Variants in GFRA3 observed in about 807,000 individuals in gnomAD.
The protein encoded by GFRA3 is GDNF family receptor alpha 3.
GFRA3 carries 24 observed loss-of-function variants against 40.0 expected under a neutral mutation model. The observed-to-expected ratio is 0.60, with a 90% confidence interval of 0.43 to 0.84. GFRA3 has a LOEUF of 0.84. Ranked by LOEUF, GFRA3 falls within the 40% of genes least tolerant of loss-of-function variation. GFRA3 has a pLI of 0.00. For missense variants in GFRA3, 405 were observed against 530.6 expected, an observed-to-expected ratio of 0.76 and a Z score of 2.33; for synonymous variants, 203 against 213.5, an observed-to-expected ratio of 0.95 and a Z score of 0.43.
At position 138,252,929 on chromosome 5, in the gene GFRA3, G is replaced by A. The variant is rs372828044; in HGVS notation, c.*39C>T. 22 of 1,094,672 alleles carry A rather than the reference G, an allele frequency of 2.0e-5. No individual in the cohort carries two copies. The highest frequency in any genetic ancestry group is 3.0e-5 in the Non-Finnish European group (21 of 708,564). The allele number at this position is 1,094,672 out of a possible 1,614,324, so 67.8% of individuals were successfully genotyped here. ...CCCCTTGTGGGCTGCAAGTCCACCT[G>A]GGTGTGGTGGAGGGGAAGAGGGCCC... On this transcript the variant is annotated 3_prime_UTR_variant, in exon 8 of 8. Transcript: ENST00000274721.
Position 138,252,398 on chromosome 5 carries a change from C to T in GFRA3, c.*570G>A, listed in dbSNP as rs1755561741. The T allele has an allele frequency of 6.5e-6, 1 of 152,822 alleles. No homozygotes were observed. The highest frequency in any genetic ancestry group is 1.5e-5 in the Non-Finnish European group (1 of 68,248). 9.5% of individuals were successfully genotyped at this position (152,822 alleles called of 1,614,324 possible). On this transcript the variant is annotated 3_prime_UTR_variant, in exon 8 of 8. Transcript: ENST00000274721. Reference sequence around the variant, plus strand: ...CAAAGTCTTAAGTCAAAGGTTTAATCATGATCCAAGAGCCCAGAGAGACTT... The same window carrying T: ...CAAAGTCTTAAGTCAAAGGTTTAATTATGATCCAAGAGCCCAGAGAGACTT...
At chr5:138,273,326 T>A (rs567509705) in intron 1 of GFRA3, among the ~76,000 whole-genome samples, 2 of 152,240 alleles carry the variant, frequency 1.3e-5, no homozygotes, top group Non-Finnish European at 2.9e-5. Context: ...CAAGTATTAC[T>A]GTGGAAAATA....
At chr5:138,262,292 G>A (rs1755721976) in intron 2 of GFRA3, among the ~76,000 whole-genome samples, 1 of 152,128 alleles carries the variant, frequency 6.6e-6, no homozygotes, top group Admixed American at 6.6e-5. Context: ...TGGGCCAAGA[G>A]CTCTGGAAAA....
At chr5:138,267,977 C>A (rs1230783744) in intron 1 of GFRA3, among the ~76,000 whole-genome samples, 1 of 152,074 alleles carries the variant, frequency 6.6e-6, no homozygotes, top group Admixed American at 6.6e-5. Flanking sequence ...TCACCTTATA[C>A]AAAAATCAAC....
chr5:138,258,505 AAAT>A (rs1755668156), intron 3 of GFRA3, among the ~76,000 whole-genome samples: 1 of 152,036 alleles, frequency 6.6e-6, no homozygotes, highest in South Asian at 2.1e-4. Context: ...TGACTACGTA[AAAT>A]AATAAGAATA....
chr5:138,270,205 CAAAAAA>C lies in GFRA3; in HGVS notation c.91+4123_91+4128del, dbSNP rs34014240. Among the ~76,000 whole-genome samples the C allele has an allele frequency of 6.1e-3, 444 of 72,450 alleles. 5 individuals are homozygous for C. The highest frequency in any genetic ancestry group is 0.038 in the Middle Eastern group (4 of 106). The allele number at this position is 72,450 out of a possible 152,430, so 47.5% of individuals were successfully genotyped here. Reference sequence around the variant, plus strand: ...TGAAACCCCGTCTCCACTAAAAATACAAAAAAAAAAAAAAAAAAAAAGTTAGCCAGG... The same window carrying C: ...TGAAACCCCGTCTCCACTAAAAATACAAAAAAAAAAAAAAAGTTAGCCAGG... On this transcript the variant is annotated intron_variant, in intron 1 of 7. Coordinates refer to ENST00000274721, the MANE Select transcript of GFRA3 (RefSeq NM_001496.4).
intron 4 of GFRA3, among the ~76,000 whole-genome samples, chr5:138,254,990 A>G (rs901524183): frequency 4.0e-5 from 6 of 149,920 alleles, no homozygotes; most frequent in Non-Finnish European, 7.4e-5. Context: ...AGGAGAAAAG[A>G]GAGAAGAGAA....
At chr5:138,271,913 T>TTTTTTTGTGTGTGTGTGTGTGTG (rs59830655) in intron 1 of GFRA3, among the ~76,000 whole-genome samples, 3 of 54,330 alleles carry the variant, frequency 5.5e-5, no homozygotes, top group Admixed American at 2.5e-4. Context: ...TTTTTTTTTT[T>TTTTTTTGTGTGTGTGTGTGTGTG]TGTGTGTGTG....
intron 4 of GFRA3, among the ~76,000 whole-genome samples, chr5:138,257,362 T>A (rs1755646668): frequency 6.6e-6 from 1 of 152,204 alleles, no homozygotes; most frequent in Non-Finnish European, 1.5e-5. Context: ...AGGAAATGCT[T>A]CCCAAAGTAT....
chr5:138,262,941 ATGTTTGTT>A (rs772289573), intron 2 of GFRA3, among the ~76,000 whole-genome samples: 1 of 151,806 alleles, frequency 6.6e-6, no homozygotes, highest in Non-Finnish European at 1.5e-5. Context: ...GCCTGATGTC[ATGTTTGTT>A]TGTTTGTTTG....
At chr5:138,271,913 T>TTGTGTGTGTG (rs1554111238) in intron 1 of GFRA3, among the ~76,000 whole-genome samples, 24 of 54,324 alleles carry the variant, frequency 4.4e-4, no homozygotes, top group Non-Finnish European at 7.4e-4. Context: ...TTTTTTTTTT[T>TTGTGTGTGTG]TGTGTGTGTG....
rs757530086 is a variant in GFRA3, at chr5:138,253,835, G to C, written c.955C>G (p.Arg319Gly). Residue 319 changes from arginine (R) to glycine (G), a missense_variant, in exon 6 of 8, where the codon CGA (arginine) becomes GGA (glycine). Arg to Gly is a moderately radical substitution (Grantham distance 125). Coordinates refer to ENST00000274721, the MANE Select transcript of GFRA3 (RefSeq NM_001496.4). The part of the protein sequence containing the change: ...NTSVALSCTC[R>G]GSGNLQEECE... Reference sequence around the variant, plus strand: ...TCCTCCTGCAGGTTGCCACTGCCTCGGCAGGTGCAGCTTAAGGCAACACTG... The same window carrying C: ...TCCTCCTGCAGGTTGCCACTGCCTCCGCAGGTGCAGCTTAAGGCAACACTG... 3 of 1,613,856 alleles carry C rather than the reference G, an allele frequency of 1.9e-6. No homozygotes were observed. Among genetic ancestry groups the C allele is most frequent in the Middle Eastern group, 1.6e-4 (1 of 6,062 alleles).
At position 138,252,859 on chromosome 5, in the gene GFRA3, C is replaced by A; in HGVS notation, c.*109G>T. 3.1e-6 allele frequency: 2 copies of A among 652,160 alleles called. No individual in the cohort carries two copies. Among genetic ancestry groups the A allele is most frequent in the Non-Finnish European group, 5.6e-6 (2 of 357,430 alleles). 40.4% of individuals were successfully genotyped at this position (652,160 alleles called of 1,614,324 possible). On this transcript the variant is annotated 3_prime_UTR_variant, in exon 8 of 8. Transcript: ENST00000274721. Reference sequence around the variant, plus strand: ...CATAACCCTTAGCTTCTCCTGTGCCCTCATCTGCGCACTGCACCTCCTTCC... The same window carrying A: ...CATAACCCTTAGCTTCTCCTGTGCCATCATCTGCGCACTGCACCTCCTTCC...
At chr5:138,267,591 A>G (rs1755806282) in intron 1 of GFRA3, 1 of 212,532 alleles carries the variant, frequency 4.7e-6, no homozygotes, top group Admixed American at 4.2e-5. Flanking sequence ...TTGTAGTCAG[A>G]CAAAGCACAT....
At chr5:138,264,989 T>C (rs1755763032) in intron 1 of GFRA3, among the ~76,000 whole-genome samples, 1 of 152,050 alleles carries the variant, frequency 6.6e-6, no homozygotes, top group Non-Finnish European at 1.5e-5. Context: ...AAAAATCATT[T>C]AAAAATACCT....
At position 138,253,282 on chromosome 5, in the gene GFRA3, C is replaced by T. The variant is rs779552465; in HGVS notation, c.1113+5G>A. 5.4e-5 allele frequency: 85 copies of T among 1,567,710 alleles called. No homozygotes were observed. Among genetic ancestry groups the T allele is most frequent in the Admixed American group, 9.0e-5 (5 of 55,632 alleles). On this transcript the variant is annotated splice_donor_5th_base_variant and intron_variant, in intron 7 of 7. Coordinates refer to ENST00000274721, the MANE Select transcript of GFRA3 (RefSeq NM_001496.4). ...GTCTGAGGGGTGTAACAGAGGAGGC[C>T]CTACCTGGTGTGCCATCACAGCAAA...
chr5:138,253,985 C>T (rs1755589241), intron 5 of GFRA3, 72 bp downstream of exon 5: 4 of 1,572,692 alleles, frequency 2.5e-6, no homozygotes, highest in Non-Finnish European at 3.5e-6. Flanking sequence ...GGATCACATC[C>T]TTTATCTCCG....
chr5:138,268,310 A>G (rs1177765377), intron 1 of GFRA3, among the ~76,000 whole-genome samples: 2 of 143,712 alleles, frequency 1.4e-5, no homozygotes, highest in Non-Finnish European at 3.1e-5. Context: ...AAGAAATCTA[A>G]GAACTGAAAC....
At chr5:138,259,941 T>TA (rs1561650557) in intron 2 of GFRA3, among the ~76,000 whole-genome samples, 1 of 152,062 alleles carries the variant, frequency 6.6e-6, no homozygotes, top group Non-Finnish European at 1.5e-5. Flanking sequence ...CCATCGCACT[T>TA]ACGCGATGGT....
Sources: allele counts gnomAD v4.1 joint callset (sites outside exome capture counted in the v4.1 genomes callset), GRCh38; gene constraint gnomAD v4.1.1; transcripts MANE v1.5; gene names NCBI Gene and HGNC (gene_info 2026-07-23, HGNC 2026-07-21).